KMO: variants seen among roughly 807,000 people sequenced by gnomAD.
KMO encodes the protein kynurenine 3-monooxygenase, also known as kynurenine 3-hydroxylase.
Under a neutral mutation model 57.8 loss-of-function variants are expected in KMO, and 24 were observed. The observed-to-expected ratio is 0.42, with a 90% CI of 0.30 to 0.58. KMO has a LOEUF of 0.58. KMO is among the 20% of genes least tolerant of loss of function. KMO has a pLI of 0.22. For missense variants in KMO, 483 were observed against 588.2 expected, an observed-to-expected ratio of 0.82 and a Z score of 1.85; for synonymous variants, 210 against 193.6, an observed-to-expected ratio of 1.08 and a Z score of -0.70.
rs1434005894 is a variant in KMO at position 241,558,692 on chromosome 1, G to T, written c.362-1973G>T. 2.6e-5 allele frequency among the ~76,000 whole-genome samples: 4 copies of T among 151,510 alleles called. No homozygotes were observed. In the East Asian group the frequency reaches 7.8e-4, roughly 29 times the overall value. ...TTTTATTATATTCTTGGTCTGCATT[G>T]TGGATCTTCCAGAGCAGCACAGTCC... On this transcript the variant is annotated intron_variant, in intron 5 of 14. Coordinates refer to ENST00000366559, the MANE Select transcript of KMO (RefSeq NM_003679.5).
In KMO at chr1:241,592,058, C is replaced by A. The variant is rs1663324492; in HGVS notation, c.1366C>A (p.Pro456Thr). The A allele has an allele frequency of 6.2e-7, 1 of 1,613,816 alleles. No homozygotes were observed. The highest frequency in any genetic ancestry group is 1.7e-5 in the Admixed American group (1 of 59,986). Reference protein sequence around the residue: ...SPRSFLRLRRPWNWIAHFRNT... With the variant: ...SPRSFLRLRRTWNWIAHFRNT... ...ACGATCTTTCCTCCGCTTGAGAAGACCATGGAACTGGATAGCTCACTTCCG... is the reference window on the plus strand; with the variant it reads ...ACGATCTTTCCTCCGCTTGAGAAGAACATGGAACTGGATAGCTCACTTCCG... Residue 456 changes from proline (P) to threonine (T), a missense_variant, in exon 15 of 15, where the codon CCA becomes ACA. Physicochemically the swap from Pro to Thr is conservative, Grantham distance 38. This residue lies in a region of KMO where 410 missense variants were observed against 492.3 expected (regional missense o/e 0.83). Transcript: ENST00000366559.
rs149388016 is a variant in KMO at position 241,590,244 on chromosome 1, G to A, written c.1241G>A (p.Arg414His). 1,583 of 1,613,674 alleles carry A rather than the reference G, an allele frequency of 9.8e-4. 18 individuals are homozygous for A. In the African/African-American group the frequency reaches 0.019, roughly 19 times the overall value. ...SRIRYHEAVQ[R>H]WHWQKKVINK... Reference sequence around the variant, plus strand: ...ATAAGATACCATGAGGCTGTGCAGCGTTGGCATTGGCAAAAAAAGGTTGGA... The same window carrying A: ...ATAAGATACCATGAGGCTGTGCAGCATTGGCATTGGCAAAAAAAGGTTGGA... The change falls in exon 14 of 15, where the codon CGT becomes CAT. Residue 414 changes from arginine (R) to histidine (H), a missense_variant. Arg to His is a conservative substitution (Grantham distance 29). Around this residue, in one of 3 missense-constraint regions of KMO, gnomAD observed 410 missense variants for 492.3 expected, o/e 0.83. Transcript: ENST00000366559.
chr1:241,541,230 A>C (rs1367605012), intron 1 of KMO, among the ~76,000 whole-genome samples: 1 of 152,092 alleles, frequency 6.6e-6, no homozygotes, highest in Non-Finnish European at 1.5e-5. Flanking sequence ...TGTGAGAGAG[A>C]CTGAAGAGGA....
intron 1 of KMO, among the ~76,000 whole-genome samples, chr1:241,539,233 A>G (rs1405664139): frequency 6.6e-6 from 1 of 151,958 alleles, no homozygotes; most frequent in Non-Finnish European, 1.5e-5. Context: ...AACACAAAAA[A>G]ATTAGCCAGG....
chr1:241,561,444 A>C (rs1232769183), intron 6 of KMO, among the ~76,000 whole-genome samples: 3 of 152,042 alleles, frequency 2.0e-5, no homozygotes, highest in Non-Finnish European at 2.9e-5. Context: ...TAAATCTATA[A>C]CACTCCCCAG....
chr1:241,545,525 T>C (rs1661113816), intron 1 of KMO, among the ~76,000 whole-genome samples: 1 of 152,144 alleles, frequency 6.6e-6, no homozygotes, highest in Non-Finnish European at 1.5e-5. Flanking sequence ...TCACATCATC[T>C]TTCCTCAATG....
At chr1:241,560,864 A>C in intron 6 of KMO, 112 bp downstream of exon 6, 1 of 741,528 alleles carries the variant, frequency 1.3e-6, no homozygotes, top group Non-Finnish European at 2.4e-6. Context: ...TATTGAAAGG[A>C]TCATCCAAAT....
chr1:241,566,040 A>G (rs1014311296), intron 8 of KMO, among the ~76,000 whole-genome samples: 1 of 152,072 alleles, frequency 6.6e-6, no homozygotes. Context: ...CTCTGTCTTT[A>G]CTAAAAATAC....
chr1:241,564,424 T>A (rs1227638255), intron 7 of KMO, among the ~76,000 whole-genome samples: 1 of 152,098 alleles, frequency 6.6e-6, no homozygotes, highest in African/African-American at 2.4e-5. Context: ...ATAAGACTCT[T>A]CTCTATTATT....
At chr1:241,559,081 C>T (rs551468469) in intron 5 of KMO, among the ~76,000 whole-genome samples, 6 of 143,728 alleles carry the variant, frequency 4.2e-5, no homozygotes, top group African/African-American at 1.0e-4. Flanking sequence ...TCCTGGGCGA[C>T]AAGAGTGAAA....
intron 1 of KMO, among the ~76,000 whole-genome samples, chr1:241,541,343 A>G (rs1660951581): frequency 6.6e-6 from 1 of 152,200 alleles, no homozygotes; most frequent in Admixed American, 6.5e-5. Flanking sequence ...AGTGAATGCA[A>G]TTGCTATTCT....
At chr1:241,583,911 T>C (rs1662862083) in intron 10 of KMO, among the ~76,000 whole-genome samples, 1 of 152,208 alleles carries the variant, frequency 6.6e-6, no homozygotes, top group Admixed American at 6.5e-5. Flanking sequence ...TTCTAGGCAC[T>C]ATGCATAAAT....
At chr1:241,581,840 G>A (rs774525676) in intron 10 of KMO, among the ~76,000 whole-genome samples, 1 of 152,030 alleles carries the variant, frequency 6.6e-6, no homozygotes, top group Non-Finnish European at 1.5e-5. Flanking sequence ...GTATTTGTCT[G>A]TATACTTACT....
rs1663453602 is a variant in KMO, at chr1:241,594,909, C to G, written c.*2756C>G. The G allele has an allele frequency of 1.9e-6, 1 of 519,116 alleles. No individual in the cohort carries two copies. Among genetic ancestry groups the G allele is most frequent in the Non-Finnish European group, 3.4e-6 (1 of 294,634 alleles). 32.2% of individuals were successfully genotyped at this position (519,116 alleles called of 1,614,324 possible). On this transcript the variant is annotated 3_prime_UTR_variant, in exon 15 of 15. Transcript: ENST00000366559. ...TCTTATTAACCGGAATATGTAGGAC[C>G]ATTTCAATACCTTGTAATCCTCCAA...
intron 9 of KMO, 127 bp downstream of exon 9, chr1:241,566,739 C>T: frequency 1.0e-6 from 1 of 974,792 alleles, no homozygotes; most frequent in Non-Finnish European, 1.6e-6. Flanking sequence ...CAGAAACCTA[C>T]ATTAGAGCAA....
intron 1 of KMO, among the ~76,000 whole-genome samples, chr1:241,539,037 A>AT (rs958274678): frequency 2.6e-5 from 4 of 152,062 alleles, no homozygotes; most frequent in Admixed American, 6.6e-5. Flanking sequence ...CTAAGCCGGT[A>AT]TTTTTTTCCT....
At chr1:241,554,470 C>G (rs1038282870) in intron 4 of KMO, among the ~76,000 whole-genome samples, 15 of 151,612 alleles carry the variant, frequency 9.9e-5, no homozygotes, top group African/African-American at 3.6e-4. Flanking sequence ...GACGGGGTTT[C>G]GCCATGTTGG....
intron 10 of KMO, among the ~76,000 whole-genome samples, chr1:241,582,486 G>A (rs1159166425): frequency 6.6e-6 from 1 of 152,018 alleles, no homozygotes; most frequent in Admixed American, 6.6e-5. Flanking sequence ...CCCTCTGACT[G>A]TATTTTTATA....
intron 4 of KMO, among the ~76,000 whole-genome samples, chr1:241,554,510 G>C (rs1661535865): frequency 6.6e-6 from 1 of 151,758 alleles, no homozygotes; most frequent in African/African-American, 2.4e-5. Flanking sequence ...CTGACCTCAA[G>C]TGATCAGCTT....
Sources: allele counts gnomAD v4.1 joint callset (sites outside exome capture counted in the v4.1 genomes callset), GRCh38; gene constraint gnomAD v4.1.1; regional missense constraint gnomAD v4.1.1; transcripts MANE v1.5; gene names NCBI Gene and HGNC (gene_info 2026-07-23, HGNC 2026-07-21).